Variants in FRMPD1 observed in about 807,000 individuals in gnomAD.
The protein encoded by FRMPD1 is FERM and PDZ domain-containing protein 1.
FRMPD1 carries 76 observed loss-of-function variants against 117.8 expected under a neutral mutation model. That is an observed-to-expected ratio of 0.65 (90% CI 0.54 to 0.78). The LOEUF (loss-of-function observed/expected upper bound fraction) is 0.78, where lower values mean the gene tolerates loss of function less well. Ranked by LOEUF, FRMPD1 falls within the 30% of genes least tolerant of loss-of-function variation. The probability of loss-of-function intolerance (pLI) is 0.00; values close to 1 mark genes in which losing one functional copy is unlikely to be tolerated. For synonymous variants in FRMPD1, 783 were observed against 770.4 expected (o/e 1.02, Z -0.27); for missense variants, 1,786 against 1,964.5 (o/e 0.91, Z 1.72).
At chr9:37,616,544 C>G in the FRMPD1 span, among the ~76,000 whole-genome samples, 1 of 152,312 alleles carries the variant, frequency 6.6e-6, no homozygotes, top group Non-Finnish European at 1.5e-5. Context: ...CTTTCTGTTG[C>G]ATCCTGCTGT....
chr9:37,670,944 A>G (rs546707545), intron 1 of FRMPD1, among the ~76,000 whole-genome samples: 2 of 152,232 alleles, frequency 1.3e-5, no homozygotes, highest in Non-Finnish European at 2.9e-5. Flanking sequence ...ATGCAGCTGT[A>G]ACGTTATAAT....
At chr9:37,656,924 T>G (rs1326906116) in intron 1 of FRMPD1, among the ~76,000 whole-genome samples, 1 of 106,948 alleles carries the variant, frequency 9.4e-6, no homozygotes, top group African/African-American at 5.3e-5. Context: ...TTAGTTGTTT[T>G]GGTGAAAAAG....
intron 5 of FRMPD1, chr9:37,715,559 G>A (rs1392926831): frequency 4.5e-6 from 2 of 445,614 alleles, no homozygotes; most frequent in Non-Finnish European, 4.5e-6. Context: ...GATTTTATCA[G>A]CTGAGGTCTG....
chr9:37,609,279 C>T, the FRMPD1 span, among the ~76,000 whole-genome samples: 1 of 148,720 alleles, frequency 6.7e-6, no homozygotes, highest in Admixed American at 6.7e-5. Context: ...GCAACAAGAG[C>T]GAAACTCCGT....
chr9:37,733,961 C>T (rs1407159974), intron 12 of FRMPD1, 136 bp downstream of exon 12: 15 of 647,592 alleles, frequency 2.3e-5, no homozygotes, highest in Non-Finnish European at 4.1e-5. Context: ...CTAAATAGTA[C>T]ACCACTGGAA....
At chr9:37,673,929 C>T (rs769006954) in intron 1 of FRMPD1, among the ~76,000 whole-genome samples, 1 of 152,234 alleles carries the variant, frequency 6.6e-6, no homozygotes, top group Non-Finnish European at 1.5e-5. Context: ...AGCCTCTGTG[C>T]CTGTGATGGA....
chr9:37,735,783 C>G (rs771030245), intron 13 of FRMPD1, 49 bp downstream of exon 13: 1 of 1,302,058 alleles, frequency 7.7e-7, no homozygotes, highest in South Asian at 1.2e-5. Flanking sequence ...AATTTGGGGC[C>G]AAATAGGGGC....
At chr9:37,671,609 A>G (rs1821354228) in intron 1 of FRMPD1, among the ~76,000 whole-genome samples, 1 of 152,216 alleles carries the variant, frequency 6.6e-6, no homozygotes, top group Non-Finnish European at 1.5e-5. Flanking sequence ...GGGTACTGTG[A>G]AAGCACCGAC....
intron 1 of FRMPD1, among the ~76,000 whole-genome samples, chr9:37,687,149 T>C (rs767952484): frequency 3.2e-4 from 49 of 152,200 alleles, no homozygotes; most frequent in Admixed American, 5.9e-4. Flanking sequence ...ATCTTAACAA[T>C]TCTTGAGGAA....
In FRMPD1 at chr9:37,740,025, C is replaced by A; in HGVS notation, c.1550-53C>A. The A allele has an allele frequency of 7.5e-7, 1 of 1,331,854 alleles. No individual in the cohort carries two copies. The highest frequency in any genetic ancestry group is 1.0e-6 in the Non-Finnish European group (1 of 959,262). 82.5% of individuals were successfully genotyped at this position (1,331,854 alleles called of 1,614,324 possible). On this transcript the variant is annotated intron_variant, in intron 14 of 15. Transcript: ENST00000377765. The surrounding 1 kb of genome is among the most constrained non-coding windows in gnomAD (Gnocchi z 4.2). ...GGTGGGGGTCAGGGGGCTAGAAGGACACATAGGTAGGAGAATTCTGTTGTG... is the reference window on the plus strand; with the variant it reads ...GGTGGGGGTCAGGGGGCTAGAAGGAAACATAGGTAGGAGAATTCTGTTGTG...
At chr9:37,655,693 C>CG (rs1820821705) in intron 1 of FRMPD1, among the ~76,000 whole-genome samples, 1 of 151,742 alleles carries the variant, frequency 6.6e-6, no homozygotes, top group Non-Finnish European at 1.5e-5. Flanking sequence ...TTCGTAGAGA[C>CG]GGGGTTTCAC....
At chr9:37,676,865 C>G (rs566834569) in intron 1 of FRMPD1, among the ~76,000 whole-genome samples, 1 of 152,252 alleles carries the variant, frequency 6.6e-6, no homozygotes, top group Admixed American at 6.5e-5. Flanking sequence ...CACTCTCTGC[C>G]TTATATTGGT....
chr9:37,677,499 T>G (rs1225306755), intron 1 of FRMPD1, among the ~76,000 whole-genome samples: 1 of 152,188 alleles, frequency 6.6e-6, no homozygotes, highest in Non-Finnish European at 1.5e-5. Context: ...GAACTTCACA[T>G]ATATTATCTA....
At chr9:37,706,114 G>A (rs1208179955) in intron 2 of FRMPD1, among the ~76,000 whole-genome samples, 1 of 152,096 alleles carries the variant, frequency 6.6e-6, no homozygotes, top group Non-Finnish European at 1.5e-5. Flanking sequence ...AGTATTACCT[G>A]CATGCTGGCC....
At chr9:37,643,827 A>C in the FRMPD1 span, among the ~76,000 whole-genome samples, 1 of 152,162 alleles carries the variant, frequency 6.6e-6, no homozygotes, top group Non-Finnish European at 1.5e-5. Context: ...GTGGTGAACA[A>C]AGCTACCTGG....
At chr9:37,606,100 C>T in the FRMPD1 span, among the ~76,000 whole-genome samples, 1 of 152,068 alleles carries the variant, frequency 6.6e-6, no homozygotes, top group Admixed American at 6.6e-5. Flanking sequence ...CTTTTTGGAG[C>T]AAGGATGTAG....
intron 2 of FRMPD1, among the ~76,000 whole-genome samples, chr9:37,696,620 TG>T (rs1334182991): frequency 2.0e-5 from 3 of 152,206 alleles, no homozygotes; most frequent in Non-Finnish European, 4.4e-5. Flanking sequence ...AGAAATAGAT[TG>T]CAAACCAATG....
chr9:37,659,206 T>C (rs1406086461), intron 1 of FRMPD1, among the ~76,000 whole-genome samples: 1 of 152,170 alleles, frequency 6.6e-6, no homozygotes, highest in Non-Finnish European at 1.5e-5. Flanking sequence ...CATTCAGCCA[T>C]TGGCTCTCTA....
chr9:37,655,622 G>A (rs1046908992), intron 1 of FRMPD1, among the ~76,000 whole-genome samples: 3 of 149,910 alleles, frequency 2.0e-5, no homozygotes, highest in African/African-American at 4.9e-5. Flanking sequence ...CCCTGCCGCA[G>A]CCTCCTGAGT....
Sources: allele counts gnomAD v4.1 joint callset (sites outside exome capture counted in the v4.1 genomes callset), GRCh38; gene constraint gnomAD v4.1.1; non-coding constraint Gnocchi (gnomAD v3.1); transcripts MANE v1.5; gene names NCBI Gene and HGNC (gene_info 2026-07-23, HGNC 2026-07-21).